The following ACTR3C variants were observed in gnomAD, a reference collection of about 807,000 sequenced individuals.
The protein encoded by ACTR3C is actin-related protein 3C.
Under a neutral mutation model 26.3 loss-of-function variants are expected in ACTR3C, and 18 were observed. The ratio of observed to expected loss-of-function variants is 0.68; its 90% CI spans 0.47 to 1.01. ACTR3C has a LOEUF of 1.01. Among genes scored for constraint, ACTR3C ranks in the 50% least tolerant of loss-of-function variants. The pLI, the probability that ACTR3C is intolerant of heterozygous loss-of-function variation, is 0.00. For missense variants in ACTR3C, 184 were observed against 250.7 expected (o/e 0.73, Z 1.80); for synonymous variants, 55 against 94.5 (o/e 0.58, Z 2.42).
chr7:150,249,651 C>T (rs573161447), intron 6 of ACTR3C, among the ~76,000 whole-genome samples: 90 of 152,226 alleles, frequency 5.9e-4, no homozygotes, highest in African/African-American at 7.5e-4. Flanking sequence ...GATGGGGTTT[C>T]GCCATGTTGG....
chr7:150,103,955 T>G, the ACTR3C span, among the ~76,000 whole-genome samples: 2 of 151,976 alleles, frequency 1.3e-5, no homozygotes, highest in African/African-American at 4.8e-5. Context: ...TTACCACTAT[T>G]GGAGACGATT....
At chr7:149,967,028 A>ATTTTTTTTTTTT in the ACTR3C span, among the ~76,000 whole-genome samples, 5 of 64,716 alleles carry the variant, frequency 7.7e-5, no homozygotes, top group Non-Finnish European at 1.4e-4. Context: ...TGCACAGCTA[A>ATTTTTTTTTTTT]TTTTTTTTTT....
the ACTR3C span, among the ~76,000 whole-genome samples, chr7:150,166,625 G>A: frequency 2.0e-5 from 3 of 150,474 alleles, no homozygotes; most frequent in Non-Finnish European, 4.4e-5. Context: ...CTTGAACCTG[G>A]GAGGCAGAGG....
the ACTR3C span, among the ~76,000 whole-genome samples, chr7:150,162,646 C>T: frequency 1.3e-5 from 2 of 152,146 alleles, no homozygotes; most frequent in Non-Finnish European, 2.9e-5. Context: ...ACCTCAATTA[C>T]TTTTGCACCA....
chr7:150,009,656 G>A, the ACTR3C span, among the ~76,000 whole-genome samples: 5 of 152,180 alleles, frequency 3.3e-5, no homozygotes, highest in South Asian at 2.1e-4. Context: ...GGCAGCAAAG[G>A]ACCAGAGGAC....
chr7:149,885,464 G>T, the ACTR3C span, among the ~76,000 whole-genome samples: 1 of 152,234 alleles, frequency 6.6e-6, no homozygotes, highest in Non-Finnish European at 1.5e-5. Context: ...GCCGGGGGCA[G>T]GGAGCTCCGG....
the ACTR3C span, among the ~76,000 whole-genome samples, chr7:149,906,410 TTC>T: frequency 5.5e-5 from 5 of 91,144 alleles, no homozygotes; most frequent in African/African-American, 2.5e-4. Flanking sequence ...TGGGGTTTGT[TTC>T]TTTTTTTTTT....
the ACTR3C span, among the ~76,000 whole-genome samples, chr7:150,039,953 G>A: frequency 2.2e-5 from 3 of 137,066 alleles, no homozygotes; most frequent in Non-Finnish European, 3.3e-5. Flanking sequence ...GAAAGGGGGA[G>A]GTTCGCAGTC....
At chr7:150,180,227 C>A in the ACTR3C span, among the ~76,000 whole-genome samples, 237 of 150,020 alleles carry the variant, frequency 1.6e-3, 3 homozygotes, top group Admixed American at 2.9e-3. Flanking sequence ...ATGGCGTGAA[C>A]CCGGGAGGCG....
chr7:150,070,556 T>C, the ACTR3C span, among the ~76,000 whole-genome samples: 4 of 152,150 alleles, frequency 2.6e-5, no homozygotes, highest in Admixed American at 2.6e-4. Flanking sequence ...GCTGGAGTGA[T>C]CCTCCCACTG....
the ACTR3C span, among the ~76,000 whole-genome samples, chr7:150,112,852 ACT>A: frequency 2.0e-5 from 3 of 151,502 alleles, no homozygotes; most frequent in African/African-American, 7.3e-5. Context: ...CTTCCCCCTG[ACT>A]CTGTTTCCCC....
At chr7:150,214,134 C>T in the ACTR3C span, among the ~76,000 whole-genome samples, 1 of 152,058 alleles carries the variant, frequency 6.6e-6, no homozygotes, top group South Asian at 2.1e-4. Context: ...AAACAGAATG[C>T]AGAGTTTCCA....
chr7:150,244,768 C>G, downstream of ACTR3C: 1 of 170,850 alleles, frequency 5.9e-6, no homozygotes, highest in Non-Finnish European at 1.3e-5. Context: ...AGCCTCTGAT[C>G]TCCCACCAGG....
At chr7:149,969,894 A>G in the ACTR3C span, among the ~76,000 whole-genome samples, 1 of 152,144 alleles carries the variant, frequency 6.6e-6, no homozygotes. Flanking sequence ...TGTAATTACG[A>G]TGGATTTAAC....
At chr7:150,042,015 G>A in the ACTR3C span, among the ~76,000 whole-genome samples, 19 of 134,606 alleles carry the variant, frequency 1.4e-4, no homozygotes, top group Admixed American at 1.2e-3. Context: ...TCCTCCAGGT[G>A]GGTCCTAAGG....
the ACTR3C span, among the ~76,000 whole-genome samples, chr7:150,069,736 G>A: frequency 6.6e-6 from 1 of 152,144 alleles, no homozygotes; most frequent in Admixed American, 6.5e-5. Context: ...GTCCAGAAGA[G>A]GGGGCTTATG....
the ACTR3C span, among the ~76,000 whole-genome samples, chr7:150,007,056 A>C: frequency 6.6e-6 from 1 of 152,128 alleles, no homozygotes; most frequent in Non-Finnish European, 1.5e-5. Flanking sequence ...AGGTCGGGGG[A>C]TAGCATTACC....
the ACTR3C span, among the ~76,000 whole-genome samples, chr7:150,048,516 T>G: frequency 2.9e-4 from 44 of 152,078 alleles, no homozygotes; most frequent in South Asian, 1.7e-3. Flanking sequence ...AGCTGAGGGT[T>G]CTGCGGCCCC....
the ACTR3C span, among the ~76,000 whole-genome samples, chr7:150,129,969 G>A: frequency 2.6e-5 from 4 of 152,154 alleles, no homozygotes; most frequent in Non-Finnish European, 5.9e-5. Context: ...TAATAATGTT[G>A]CAAAGGTAGT....
Sources: gnomAD v4.1 joint callset for allele counts (sites outside exome capture counted in the v4.1 genomes callset) on GRCh38, gnomAD v4.1.1 for gene constraint, MANE v1.5 for transcripts, NCBI Gene and HGNC (gene_info 2026-07-23, HGNC 2026-07-21) for gene names.